The following DENND1B variants were observed in gnomAD, a reference collection of about 807,000 sequenced individuals.
The protein encoded by DENND1B is DENN domain-containing protein 1B.
DENND1B carries 59 observed loss-of-function variants against 90.1 expected under a neutral mutation model. The ratio of observed to expected loss-of-function variants is 0.65; its 90% confidence interval spans 0.53 to 0.81. The LOEUF (loss-of-function observed/expected upper bound fraction) is 0.81, where lower values mean the gene tolerates loss of function less well. Among genes scored for constraint, DENND1B ranks in the 40% least tolerant of loss-of-function variants. DENND1B has a pLI of 0.00. For synonymous variants in DENND1B, 337 were observed against 324.6 expected (o/e 1.04, Z -0.41); for missense variants, 862 against 912.6 (o/e 0.94, Z 0.71).
chr1:197,642,894 C>G (rs1352466823), intron 9 of DENND1B, 73 bp from the exon 10 acceptor site: 1 of 1,009,266 alleles, frequency 9.9e-7, no homozygotes, highest in South Asian at 1.5e-5. Context: ...TACACACTTA[C>G]CAGAAAGTCT....
In DENND1B at chr1:197,508,564, G is replaced by A. The variant is rs766622213; in HGVS notation, c.*1896C>T. 3.3e-5 allele frequency: 5 copies of A among 151,594 alleles called. No homozygotes were observed. Among genetic ancestry groups the A allele is most frequent in the Non-Finnish European group, 5.9e-5 (4 of 67,750 alleles). The allele number at this position is 151,594 out of a possible 1,614,324, so 9.4% of individuals were successfully genotyped here. A position where few individuals can be genotyped will look rare whatever the true frequency, so the allele number is the denominator to read the frequency against. On this transcript the variant is annotated 3_prime_UTR_variant, in exon 23 of 23. Transcript: ENST00000620048. ...CACATATCCATTTAGATTTTGAAAC[G>A]TAGGTTTTAAAAAAACTTGGTCATT...
intron 15 of DENND1B, among the ~76,000 whole-genome samples, chr1:197,560,914 G>T (rs1399912802): frequency 6.6e-6 from 1 of 151,798 alleles, no homozygotes; most frequent in Non-Finnish European, 1.5e-5. Flanking sequence ...GTAATTAAAA[G>T]AGAAATTCTA....
At chr1:197,618,141 T>C (rs1303875349) in intron 10 of DENND1B, among the ~76,000 whole-genome samples, 1 of 151,190 alleles carries the variant, frequency 6.6e-6, no homozygotes, top group African/African-American at 2.4e-5. Context: ...GATGATTAAA[T>C]ATGGAAAGGA....
intron 2 of DENND1B, among the ~76,000 whole-genome samples, 167 bp from the exon 3 acceptor site, chr1:197,715,241 TTAAA>T (rs898198227): frequency 2.6e-5 from 4 of 152,012 alleles, no homozygotes; most frequent in African/African-American, 9.7e-5. Context: ...CTTTCTATAA[TTAAA>T]TATTTTGATT....
chr1:197,553,212 A>C, intron 15 of DENND1B, 100 bp from the exon 16 acceptor site: 1 of 896,022 alleles, frequency 1.1e-6, no homozygotes. Context: ...CTTACATCAA[A>C]AACATTAATA....
chr1:197,639,609 T>C (rs1680100960), intron 10 of DENND1B, among the ~76,000 whole-genome samples: 1 of 152,180 alleles, frequency 6.6e-6, no homozygotes, highest in Non-Finnish European at 1.5e-5. Context: ...AATTAAGAGT[T>C]GGGCTGTATA....
Position 197,506,581 on chromosome 1 carries a change from T to C in DENND1B, c.*3879A>G, listed in dbSNP as rs1667741273. ...AAAATCCACATTTTCTACAAGAGAA[T>C]GAAGGTCTATTGATTATGAGACATT... On this transcript the variant is annotated 3_prime_UTR_variant, in exon 23 of 23. Coordinates refer to ENST00000620048, the MANE Select transcript of DENND1B (RefSeq NM_001195215.2). 6.6e-6 allele frequency: 1 copy of C among 151,670 alleles called. No individual in the cohort carries two copies. The highest frequency in any genetic ancestry group is 2.1e-4 in the South Asian group (1 of 4,824). The allele number at this position is 151,670 out of a possible 1,614,324, so 9.4% of individuals were successfully genotyped here.
At chr1:197,573,303 T>C (rs1346686458) in intron 15 of DENND1B, among the ~76,000 whole-genome samples, 1 of 152,170 alleles carries the variant, frequency 6.6e-6, no homozygotes, top group African/African-American at 2.4e-5. Context: ...CTCTACACAC[T>C]GCTTTGAATG....
chr1:197,593,746 T>A (rs1675442156), intron 14 of DENND1B, among the ~76,000 whole-genome samples: 1 of 152,042 alleles, frequency 6.6e-6, no homozygotes, highest in Admixed American at 6.6e-5. Flanking sequence ...ACTCAAAAAA[T>A]TTTAAAATAA....
Position 197,675,698 on chromosome 1 carries a change from C to G in DENND1B, c.127-1529G>C, listed in dbSNP as rs78807215. 5.3e-3 allele frequency among the ~76,000 whole-genome samples: 805 copies of G among 152,232 alleles called. 9 individuals are homozygous for G. The highest frequency in any genetic ancestry group is 0.018 in the African/African-American group (748 of 41,536). On this transcript the variant is annotated intron_variant, in intron 3 of 22. Transcript: ENST00000620048. ...ATTGCTTAATCCTTATCTTGTACTT[C>G]ATAAAGTGAAACCATTCACCATTTT...
intron 15 of DENND1B, among the ~76,000 whole-genome samples, chr1:197,561,006 G>A (rs1672114998): frequency 6.6e-6 from 1 of 151,888 alleles, no homozygotes; most frequent in African/African-American, 2.4e-5. Flanking sequence ...TAAACTGCCT[G>A]TGCTCTTGCA....
At chr1:197,735,177 A>T in intron 2 of DENND1B, 3 of 1,000,168 alleles carry the variant, frequency 3.0e-6, no homozygotes, top group Non-Finnish European at 3.6e-6. Context: ...AAAAAACAAT[A>T]TTGAATGGGT....
intron 18 of DENND1B, among the ~76,000 whole-genome samples, chr1:197,544,804 A>AGAAGAGGAAGAGTAG (rs1553281300): frequency 7.8e-6 from 1 of 128,246 alleles, no homozygotes; most frequent in Non-Finnish European, 1.8e-5. Context: ...AGGAGGAAGA[A>AGAAGAGGAAGAGTAG]GAAGAAGAGG....
intron 2 of DENND1B, among the ~76,000 whole-genome samples, chr1:197,768,786 A>AT (rs1044583401): frequency 6.6e-6 from 1 of 151,840 alleles, no homozygotes; most frequent in Non-Finnish European, 1.5e-5. Flanking sequence ...CTCTTATGGC[A>AT]TTTTTTTAGA....
At chr1:197,664,852 A>AG (rs1267859974) in intron 5 of DENND1B, among the ~76,000 whole-genome samples, 1 of 152,006 alleles carries the variant, frequency 6.6e-6, no homozygotes, top group East Asian at 1.9e-4. Context: ...AATGAGTTAA[A>AG]GGGGGGAGGG....
chr1:197,521,746 A>G (rs1668793054), intron 20 of DENND1B, among the ~76,000 whole-genome samples: 1 of 152,076 alleles, frequency 6.6e-6, no homozygotes, highest in Non-Finnish European at 1.5e-5. Context: ...TAATTTGTAT[A>G]GGTAATAACT....
rs1480113897 is a variant in DENND1B at position 197,551,634 on chromosome 1, T to A, written c.1240+1388A>T. Among the ~76,000 whole-genome samples, 3 of 152,106 alleles carry A rather than the reference T, an allele frequency of 2.0e-5. 1 individual carries two copies. The South Asian group carries it at 6.2e-4, about 32-fold the overall frequency. ...TACAGAATTTAACTGTACAAAAGGA[T>A]CATAGTTCTAGCCTCTTATTGTCAC... On this transcript the variant is annotated intron_variant, in intron 16 of 22. Transcript: ENST00000620048.
chr1:197,605,099 C>A (rs535343256), intron 13 of DENND1B, among the ~76,000 whole-genome samples: 1 of 151,018 alleles, frequency 6.6e-6, no homozygotes, highest in East Asian at 2.0e-4. Flanking sequence ...GTTAATCAAT[C>A]TACACCACCT....
Position 197,544,936 on chromosome 1 carries a change from A to G in DENND1B, c.1350+986T>C, listed in dbSNP as rs369642464. On this transcript the variant is annotated intron_variant, in intron 18 of 22. Transcript: ENST00000620048. ...GAAAAGAAGAAGAAAAGAGAAGAAG[A>G]AGAAGGGAGAAGAGAGAAGGGAGAA... is the stretch of plus-strand genomic sequence containing the variant. Among the ~76,000 whole-genome samples, 81 of 20,230 alleles carry G rather than the reference A, an allele frequency of 4.0e-3. 7 individuals carry two copies. The highest frequency in any genetic ancestry group is 4.3e-3 in the Non-Finnish European group (49 of 11,420). The allele number at this position is 20,230 out of a possible 152,430, so 13.3% of individuals were successfully genotyped here.
Sources: allele counts gnomAD v4.1 joint callset (sites outside exome capture counted in the v4.1 genomes callset), GRCh38; gene constraint gnomAD v4.1.1; transcripts MANE v1.5; gene names NCBI Gene and HGNC (gene_info 2026-07-23, HGNC 2026-07-21).